GTF2F2: variants seen among roughly 807,000 people sequenced by gnomAD.
GTF2F2 encodes ATP-dependent helicase GTF2F2.
A neutral mutation model predicts 42.2 loss-of-function variants in GTF2F2; 23 were observed. That is an observed-to-expected ratio of 0.55 (90% CI 0.39 to 0.77). The LOEUF is 0.77. Among genes scored for constraint, GTF2F2 ranks in the 30% least tolerant of loss-of-function variants. The probability of loss-of-function intolerance (pLI) is 0.00; values close to 1 mark genes in which losing one functional copy is unlikely to be tolerated. For missense variants in GTF2F2, 261 were observed against 287.2 expected (o/e 0.91, Z 0.66); for synonymous variants, 105 against 100.8 (o/e 1.04, Z -0.25).
At chr13:45,234,657 G>T (rs1874859772) in intron 5 of GTF2F2, among the ~76,000 whole-genome samples, 1 of 152,130 alleles carries the variant, frequency 6.6e-6, no homozygotes, top group South Asian at 2.1e-4. Flanking sequence ...TGTTGGCCAG[G>T]TAACTTAATG....
intron 4 of GTF2F2, among the ~76,000 whole-genome samples, chr13:45,175,628 T>C (rs1402594700): frequency 6.6e-6 from 1 of 152,218 alleles, no homozygotes; most frequent in East Asian, 1.9e-4. Context: ...TGATTCTTTT[T>C]CTCTTTTTTT....
At chr13:45,189,139 G>T (rs1456368478) in intron 4 of GTF2F2, among the ~76,000 whole-genome samples, 1 of 152,118 alleles carries the variant, frequency 6.6e-6, no homozygotes, top group Non-Finnish European at 1.5e-5. Context: ...ACTTACGAGT[G>T]AGAACATGTG....
chr13:45,274,856 G>C (rs1876961290), intron 7 of GTF2F2, among the ~76,000 whole-genome samples: 1 of 151,946 alleles, frequency 6.6e-6, no homozygotes. Flanking sequence ...AGGTTGTAGT[G>C]AGCCCAGATC....
chr13:45,228,446 T>G (rs1210003413), intron 5 of GTF2F2, among the ~76,000 whole-genome samples: 1 of 150,528 alleles, frequency 6.6e-6, no homozygotes, highest in Admixed American at 6.6e-5. Context: ...AGCTTTTTCC[T>G]TTTCATTTCT....
chr13:45,250,205 C>T (rs1875821630), intron 5 of GTF2F2, among the ~76,000 whole-genome samples: 1 of 152,022 alleles, frequency 6.6e-6, no homozygotes, highest in African/African-American at 2.4e-5. Flanking sequence ...CAGGTATGCA[C>T]TACCATGCCC....
At chr13:45,169,937 T>C (rs1406436802) in intron 4 of GTF2F2, among the ~76,000 whole-genome samples, 20 of 152,252 alleles carry the variant, frequency 1.3e-4, no homozygotes, top group Non-Finnish European at 1.5e-5. Context: ...ATATTAAGCT[T>C]CTTAAGAACT....
At chr13:45,148,820 G>A (rs1049228091) in intron 2 of GTF2F2, among the ~76,000 whole-genome samples, 5 of 152,010 alleles carry the variant, frequency 3.3e-5, no homozygotes, top group African/African-American at 7.2e-5. Flanking sequence ...ATTTAAAAAC[G>A]TAATTCAAAT....
Position 45,159,618 on chromosome 13 carries a change from G to A in GTF2F2, c.304+7787G>A, listed in dbSNP as rs150458609. On this transcript the variant is annotated intron_variant, in intron 4 of 7. Transcript: ENST00000340473. The stretch of plus-strand genomic sequence containing the variant: ...ATACAAAAAATTACAGACTACAGAC[G>A]TGCGCCACCACGCCGGGCTAATTTT... Among the ~76,000 whole-genome samples the A allele has an allele frequency of 2.6e-5, 4 of 152,224 alleles. No homozygotes were observed. The South Asian group carries it at 6.2e-4, about 24-fold the overall frequency.
chr13:45,191,224 A>AAAAAAATATATAT, intron 4 of GTF2F2, among the ~76,000 whole-genome samples: 26 of 75,310 alleles, frequency 3.5e-4, no homozygotes, highest in African/African-American at 2.3e-3. Context: ...ACAAAAAAAA[A>AAAAAAATATATAT]ATATATATAT....
rs558866209 is a variant in GTF2F2, at chr13:45,213,022, G to A, written c.386+5517G>A. ...CTCCCAATGTGCTGGGGTTACAGGC[G>A]TGAGCCACCATGCCCGGCTAATTTT... On this transcript the variant is annotated intron_variant, in intron 5 of 7. Transcript: ENST00000340473. Among the ~76,000 whole-genome samples, 347 of 151,654 alleles carry A rather than the reference G, an allele frequency of 2.3e-3. 3 individuals are homozygous for A. Among genetic ancestry groups the A allele is most frequent in the African/African-American group, 7.9e-3 (327 of 41,348 alleles).
chr13:45,252,805 A>T, intron 5 of GTF2F2, 66 bp from the exon 6 acceptor site: 1 of 700,240 alleles, frequency 1.4e-6, no homozygotes, highest in Non-Finnish European at 2.4e-6. Flanking sequence ...AATTATAGAA[A>T]TAATAACTCT....
intron 2 of GTF2F2, among the ~76,000 whole-genome samples, chr13:45,139,824 G>A (rs935599527): frequency 2.6e-5 from 4 of 152,110 alleles, no homozygotes; most frequent in Admixed American, 6.5e-5. Context: ...CTAAAGTTAG[G>A]TGGGGACAAG....
At chr13:45,194,543 C>G in intron 4 of GTF2F2, 1 of 1,612,374 alleles carries the variant, frequency 6.2e-7, no homozygotes, top group Non-Finnish European at 8.5e-7. Context: ...TTTTCTTTTT[C>G]TCTTCTGTTT....
Position 45,183,365 on chromosome 13 carries a change from C to T in GTF2F2, c.305-24059C>T, listed in dbSNP as rs373155420. On this transcript the variant is annotated intron_variant, in intron 4 of 7. Coordinates refer to ENST00000340473, the MANE Select transcript of GTF2F2 (RefSeq NM_004128.3). ...TGGCATTTCCAAGGTCATCAGCAGG[C>T]CTTTGCCATTGTTTAACTGTGGCTT... Among the ~76,000 whole-genome samples, 8 of 152,226 alleles carry T rather than the reference C, an allele frequency of 5.3e-5. No homozygotes were observed. The East Asian group carries it at 1.2e-3, about 22-fold the overall frequency.
At chr13:45,243,751 C>A (rs1875444995) in intron 5 of GTF2F2, among the ~76,000 whole-genome samples, 1 of 152,180 alleles carries the variant, frequency 6.6e-6, no homozygotes, top group Admixed American at 6.5e-5. Flanking sequence ...GCCTCCACCT[C>A]CTGGGTTCAA....
In GTF2F2 at chr13:45,120,768, A is replaced by T. The variant is rs779086896; in HGVS notation, c.66+47A>T. 3 of 1,376,466 alleles carry T rather than the reference A, an allele frequency of 2.2e-6. No individual in the cohort carries two copies. In the East Asian group the frequency reaches 7.5e-5, roughly 34 times the overall value. The allele number at this position is 1,376,466 out of a possible 1,614,324, so 85.3% of individuals were successfully genotyped here. A position where few individuals can be genotyped will look rare whatever the true frequency, so the allele number is the denominator to read the frequency against. On this transcript the variant is annotated intron_variant, in intron 1 of 7. Transcript: ENST00000340473. ...CTTGCGCTCCTCCTAACACAAGTAT[A>T]GTTTAAGTAACTTGAGCCTATCCCG...
chr13:45,238,329 C>G (rs1013149547), intron 5 of GTF2F2, among the ~76,000 whole-genome samples: 1 of 152,142 alleles, frequency 6.6e-6, no homozygotes, highest in Non-Finnish European at 1.5e-5. Flanking sequence ...GATTTTATTT[C>G]TATCATGGAA....
At chr13:45,213,207 T>G (rs1157910781) in intron 5 of GTF2F2, among the ~76,000 whole-genome samples, 1 of 151,402 alleles carries the variant, frequency 6.6e-6, no homozygotes, top group Non-Finnish European at 1.5e-5. Flanking sequence ...GCCTCCCGAG[T>G]AGCTGGGATT....
At chr13:45,255,166 C>CAAAA (rs55795620) in intron 6 of GTF2F2, among the ~76,000 whole-genome samples, 2 of 76,084 alleles carry the variant, frequency 2.6e-5, no homozygotes, top group African/African-American at 4.3e-5. Context: ...GACTTTGTCT[C>CAAAA]AAAAAAAAAA....
Sources: allele counts gnomAD v4.1 joint callset (sites outside exome capture counted in the v4.1 genomes callset), GRCh38; gene constraint gnomAD v4.1.1; transcripts MANE v1.5; gene names NCBI Gene and HGNC (gene_info 2026-07-23, HGNC 2026-07-21).